Variants in NID1 observed in about 807,000 individuals in gnomAD.
The protein encoded by NID1 is nidogen-1.
Under a neutral mutation model 130.6 loss-of-function variants are expected in NID1, and 76 were observed. The observed-to-expected ratio is 0.58, with a 90% CI of 0.48 to 0.70. The LOEUF is 0.70. Among genes scored for constraint, NID1 ranks in the 30% least tolerant of loss-of-function variants. The pLI, the probability that NID1 is intolerant of heterozygous loss-of-function variation, is 0.00. For synonymous variants in NID1, 665 were observed against 675.1 expected, an observed-to-expected ratio of 0.98 and a Z score of 0.23; for missense variants, 1,517 against 1,664.8, an observed-to-expected ratio of 0.91 and a Z score of 1.54.
chr1:236,015,235 A>G (rs551776469), intron 10 of NID1, among the ~76,000 whole-genome samples: 1 of 152,354 alleles, frequency 6.6e-6, no homozygotes, highest in Non-Finnish European at 1.5e-5. Context: ...TCAATTACTC[A>G]GTGACAAGCC....
intron 5 of NID1, among the ~76,000 whole-genome samples, chr1:236,033,591 T>C (rs1410519709): frequency 6.6e-6 from 1 of 152,194 alleles, no homozygotes; most frequent in Non-Finnish European, 1.5e-5. Context: ...TGTCTGGTGC[T>C]GCTTGTTCCA....
In NID1 at chr1:235,979,780, A is replaced by T; in HGVS notation, c.3509+42T>A. On this transcript the variant is annotated intron_variant, in intron 18 of 19. Transcript: ENST00000264187. This position sits in a 1 kb window ranked among gnomAD's most constrained non-coding sequence, Gnocchi z 4.6. ...CTGGCCTCCCAGAGACAGTGGGTGG[A>T]GGGGCAGGCCCACGCAGCCCCCATG... 6.2e-7 allele frequency: 1 copy of T among 1,604,958 alleles called. No individual in the cohort carries two copies. The highest frequency in any genetic ancestry group is 8.5e-7 in the Non-Finnish European group (1 of 1,173,718).
rs141525130 is a variant in NID1 at position 236,043,144 on chromosome 1, G to A, written c.753-852C>T. Among the ~76,000 whole-genome samples, 286 of 152,256 alleles carry A rather than the reference G, an allele frequency of 1.9e-3. 2 individuals carry two copies. The highest frequency in any genetic ancestry group is 6.6e-3 in the African/African-American group (274 of 41,556). ...TCCTATGCCTCTCTTCCATTTGGTT[G>A]TTCCAGAGTTGTATCCTTTAGAATG... On this transcript the variant is annotated intron_variant, in intron 3 of 19. Coordinates refer to ENST00000264187, the MANE Select transcript of NID1 (RefSeq NM_002508.3).
At chr1:236,023,622 T>C (rs993008778) in intron 9 of NID1, among the ~76,000 whole-genome samples, 3 of 141,378 alleles carry the variant, frequency 2.1e-5, no homozygotes, top group African/African-American at 5.5e-5. Flanking sequence ...ATATTATGTA[T>C]ATTTTACCGC....
At position 236,016,440 on chromosome 1, in the gene NID1, A is replaced by G. The variant is rs1361495689; in HGVS notation, c.2254+708T>C. ...GGAATCTGTTTTAAATTGGGAAGAC[A>G]TGTTGAGTTCAGATGCGCATTTGAC... On this transcript the variant is annotated intron_variant, in intron 10 of 19. Transcript: ENST00000264187. 2.0e-5 allele frequency among the ~76,000 whole-genome samples: 3 copies of G among 152,256 alleles called. No individual in the cohort carries two copies. In the South Asian group the frequency reaches 6.2e-4, roughly 32 times the overall value.
intron 12 of NID1, among the ~76,000 whole-genome samples, chr1:236,010,232 C>A (rs1281360263): frequency 6.6e-6 from 1 of 151,758 alleles, no homozygotes; most frequent in Non-Finnish European, 1.5e-5. Context: ...GGTTGCCTTG[C>A]CTAGGTTTAT....
chr1:235,990,620 T>C (rs896425860), intron 14 of NID1, among the ~76,000 whole-genome samples: 1 of 152,210 alleles, frequency 6.6e-6, no homozygotes, highest in Non-Finnish European at 1.5e-5. Context: ...CTCCAATGCT[T>C]GTTGCTACGT....
chr1:236,031,042 C>T (rs1200197957), intron 6 of NID1, among the ~76,000 whole-genome samples: 1 of 152,086 alleles, frequency 6.6e-6, no homozygotes, highest in African/African-American at 2.4e-5. Context: ...ATATATATGC[C>T]TGTGGACTAG....
At chr1:236,050,422 G>A (rs1240139284) in intron 1 of NID1, among the ~76,000 whole-genome samples, 2 of 151,992 alleles carry the variant, frequency 1.3e-5, no homozygotes, top group Admixed American at 6.6e-5. Flanking sequence ...ACATGGTGGT[G>A]CACGCCTATA....
intron 6 of NID1, among the ~76,000 whole-genome samples, chr1:236,031,410 G>A (rs1659097862): frequency 6.6e-6 from 1 of 152,192 alleles, no homozygotes; most frequent in Non-Finnish European, 1.5e-5. Flanking sequence ...GAGCCACCAT[G>A]CCCGGCCTCA....
At chr1:236,029,804 C>A in intron 6 of NID1, 54 bp from the exon 7 acceptor site, 1 of 1,571,332 alleles carries the variant, frequency 6.4e-7, no homozygotes, top group Non-Finnish European at 8.7e-7. Context: ...CGCCCTTCTG[C>A]CCGCCCCAGG....
At chr1:236,060,716 A>G (rs1160022334) in intron 1 of NID1, 2 of 151,558 alleles carry the variant, frequency 1.3e-5, no homozygotes, top group African/African-American at 2.4e-5. Context: ...ACTTATTAGC[A>G]TTAGTATCAC....
intron 10 of NID1, 88 bp from the exon 11 acceptor site, chr1:236,013,648 A>G: frequency 3.3e-6 from 5 of 1,503,190 alleles, no homozygotes; most frequent in Non-Finnish European, 4.6e-6. Context: ...AAGAGAGACC[A>G]TGCCTGGACC....
chr1:235,994,736 G>A (rs1376638385), intron 12 of NID1, among the ~76,000 whole-genome samples: 1 of 135,008 alleles, frequency 7.4e-6, no homozygotes, highest in Non-Finnish European at 1.6e-5. Context: ...TCGCTCTGTT[G>A]CCCAGGCTGG....
At chr1:236,053,325 G>A in intron 1 of NID1, among the ~76,000 whole-genome samples, 1 of 152,108 alleles carries the variant, frequency 6.6e-6, no homozygotes, top group Non-Finnish European at 1.5e-5. Flanking sequence ...TCAATTACCC[G>A]ACAGTCAAAT....
intron 4 of NID1, among the ~76,000 whole-genome samples, chr1:236,041,615 C>T (rs1056566919): frequency 3.9e-5 from 6 of 152,200 alleles, no homozygotes; most frequent in South Asian, 4.1e-4. Flanking sequence ...ACAATTCTAA[C>T]GGACGTTTTC....
intron 1 of NID1, 132 bp from the exon 2 acceptor site, chr1:236,049,121 C>A: frequency 2.1e-6 from 2 of 939,478 alleles, no homozygotes; most frequent in Non-Finnish European, 3.2e-6. Flanking sequence ...GAGAAAGATA[C>A]GAGCCTGAAC....
intron 5 of NID1, 28 bp downstream of exon 5, chr1:236,038,076 A>G (rs761081984): frequency 2.5e-6 from 4 of 1,580,132 alleles, no homozygotes; most frequent in South Asian, 2.3e-5. Context: ...CTTCTCCCGC[A>G]TGAAACGAAC....
chr1:236,022,340 A>AAT, intron 9 of NID1, among the ~76,000 whole-genome samples: 1 of 137,262 alleles, frequency 7.3e-6, no homozygotes, highest in East Asian at 2.2e-4. Context: ...GATGGCCCCT[A>AAT]TTTTTTTTTT....
Sources: allele counts gnomAD v4.1 joint callset (sites outside exome capture counted in the v4.1 genomes callset), GRCh38; gene constraint gnomAD v4.1.1; non-coding constraint Gnocchi (gnomAD v3.1); transcripts MANE v1.5; gene names NCBI Gene and HGNC (gene_info 2026-07-23, HGNC 2026-07-21).